Variants in CREB5 observed in about 807,000 individuals in gnomAD.
CREB5 encodes cAMP responsive element binding protein 5.
A neutral mutation model predicts 57.1 loss-of-function variants in CREB5; 19 were observed. That is an observed-to-expected ratio of 0.33 (90% CI 0.23 to 0.49). The LOEUF (loss-of-function observed/expected upper bound fraction) is 0.49, where lower values mean the gene tolerates loss of function less well. Among genes scored for constraint, CREB5 ranks in the 20% least tolerant of loss-of-function variants. The pLI is 0.99. For synonymous variants in CREB5, 238 were observed against 238.3 expected (o/e 1.00, Z 0.01); for missense variants, 579 against 671.6 (o/e 0.86, Z 1.52).
intron 1 of CREB5, among the ~76,000 whole-genome samples, chr7:28,322,787 G>A (rs1465790497): frequency 2.0e-5 from 3 of 152,110 alleles, no homozygotes; most frequent in Non-Finnish European, 2.9e-5. Flanking sequence ...GAACTCATCC[G>A]TTTTTATGGC....
chr7:28,583,815 T>G (rs216751), intron 5 of CREB5, among the ~76,000 whole-genome samples: 109,442 of 151,874 alleles, frequency 0.72, 40,229 homozygotes, highest in East Asian at 0.92. Context: ...AGTAGCCGGG[T>G]TTACAGGCAT....
intron 1 of CREB5, among the ~76,000 whole-genome samples, chr7:28,405,970 A>T (rs1210525252): frequency 6.6e-6 from 1 of 152,194 alleles, no homozygotes; most frequent in Non-Finnish European, 1.5e-5. Flanking sequence ...CTGACTCAAG[A>T]AACTGACTTT....
intron 5 of CREB5, among the ~76,000 whole-genome samples, chr7:28,696,149 G>A (rs928755192): frequency 7.9e-5 from 12 of 152,296 alleles, no homozygotes; most frequent in African/African-American, 2.4e-4. Context: ...CGTACCATTC[G>A]GCTGCCTGGG....
At chr7:28,330,580 A>T (rs945936470) in intron 1 of CREB5, among the ~76,000 whole-genome samples, 2 of 151,592 alleles carry the variant, frequency 1.3e-5, no homozygotes, top group African/African-American at 4.8e-5. Flanking sequence ...TTTAGTTTGT[A>T]ATACGCTTAG....
At chr7:28,597,558 T>C (rs1341120436) in intron 5 of CREB5, among the ~76,000 whole-genome samples, 1 of 152,224 alleles carries the variant, frequency 6.6e-6, no homozygotes, top group Non-Finnish European at 1.5e-5. Context: ...TCATATTTCA[T>C]GCAAATAATC....
intron 4 of CREB5, among the ~76,000 whole-genome samples, chr7:28,528,551 A>G (rs1793552558): frequency 6.6e-6 from 1 of 152,046 alleles, no homozygotes; most frequent in African/African-American, 2.4e-5. Context: ...CTAAAAACAC[A>G]AAATTAGCCA....
chr7:28,335,477 T>C (rs2127987688), intron 1 of CREB5, among the ~76,000 whole-genome samples: 1 of 152,220 alleles, frequency 6.6e-6, no homozygotes, highest in Non-Finnish European at 1.5e-5. Context: ...GGATTACTTT[T>C]TAAATTTCTT....
intron 1 of CREB5, among the ~76,000 whole-genome samples, chr7:28,351,296 A>C (rs1354996487): frequency 6.6e-6 from 1 of 152,140 alleles, no homozygotes; most frequent in African/African-American, 2.4e-5. Context: ...GGTTATTAAT[A>C]ATAGATTTTT....
intron 4 of CREB5, among the ~76,000 whole-genome samples, chr7:28,527,131 C>T (rs1329276546): frequency 6.6e-6 from 1 of 152,202 alleles, no homozygotes; most frequent in African/African-American, 2.4e-5. Context: ...TGCAGTGAGC[C>T]ATGCCTTAGC....
At position 28,804,369 on chromosome 7, in the gene CREB5, ACACCAG is replaced by A. The variant is rs751815933; in HGVS notation, c.884_889del (p.Gln295_His296del). 1.5e-5 allele frequency: 24 copies of A among 1,613,220 alleles called. No individual in the cohort carries two copies. The highest frequency in any genetic ancestry group is 6.6e-5 in the South Asian group (6 of 91,018). ...CACTGCCACCCCATCACCCTTACCC[ACACCAG>A]CACCAGCACCCAGCACACCATCCTC... is the stretch of plus-strand genomic sequence containing the variant. On this transcript the variant is annotated inframe_deletion, in exon 8 of 11. Transcript: ENST00000357727.
chr7:28,660,943 G>T (rs779232876), intron 5 of CREB5, among the ~76,000 whole-genome samples: 3 of 152,108 alleles, frequency 2.0e-5, no homozygotes, highest in Non-Finnish European at 2.9e-5. Flanking sequence ...GGCCTTGAAG[G>T]TTCCAACCAC....
At chr7:28,389,198 C>T (rs984820701) in intron 1 of CREB5, among the ~76,000 whole-genome samples, 1 of 152,136 alleles carries the variant, frequency 6.6e-6, no homozygotes, top group African/African-American at 2.4e-5. Flanking sequence ...TGTATGCATT[C>T]TGAAAACAGT....
intron 4 of CREB5, among the ~76,000 whole-genome samples, chr7:28,566,513 G>GA (rs796915823): frequency 1.4e-4 from 21 of 152,286 alleles, no homozygotes; most frequent in African/African-American, 5.1e-4. Context: ...CAGCAAGATA[G>GA]AGTCACTCTT....
chr7:28,523,351 C>G (rs1277237353), intron 4 of CREB5, among the ~76,000 whole-genome samples: 1 of 152,246 alleles, frequency 6.6e-6, no homozygotes, highest in Non-Finnish European at 1.5e-5. Flanking sequence ...GGAATACTCC[C>G]ATTATGTTCT....
In CREB5 at chr7:28,529,850, G is replaced by A. The variant is rs994674387; in HGVS notation, c.291+22113G>A. ...CACACTTTGCTTTACCTTTCTATAC[G>A]TTAATCTGCCAGGAAAGTTTCTTCT... is the stretch of plus-strand genomic sequence containing the variant. On this transcript the variant is annotated intron_variant, in intron 4 of 10. Transcript: ENST00000357727. Among the ~76,000 whole-genome samples the A allele has an allele frequency of 1.2e-4, 18 of 152,252 alleles. No homozygotes were observed. In the East Asian group the frequency reaches 3.3e-3, roughly 28 times the overall value.
At chr7:28,465,583 C>A (rs1200851179) in intron 1 of CREB5, among the ~76,000 whole-genome samples, 1 of 152,172 alleles carries the variant, frequency 6.6e-6, no homozygotes, top group Non-Finnish European at 1.5e-5. Flanking sequence ...GAATTCAAGT[C>A]CTAGCTCTGC....
intron 5 of CREB5, among the ~76,000 whole-genome samples, chr7:28,591,330 A>C (rs371704168): frequency 2.0e-5 from 3 of 152,122 alleles, no homozygotes; most frequent in African/African-American, 7.2e-5. Context: ...CTAGCTTCTC[A>C]TGTCCATTGC....
chr7:28,449,864 T>C (rs549328193), intron 1 of CREB5, among the ~76,000 whole-genome samples: 1 of 152,350 alleles, frequency 6.6e-6, no homozygotes, highest in Admixed American at 6.5e-5. Flanking sequence ...AAAAGGTTTC[T>C]GTCAACCTTT....
At chr7:28,654,248 G>A (rs60488114) in intron 5 of CREB5, among the ~76,000 whole-genome samples, 4,490 of 152,200 alleles carry the variant, frequency 0.03, 229 homozygotes, top group African/African-American at 0.1. Context: ...GATACAGCTC[G>A]CTCCCCCTCT....
Sources: allele counts gnomAD v4.1 joint callset (sites outside exome capture counted in the v4.1 genomes callset), GRCh38; gene constraint gnomAD v4.1.1; transcripts MANE v1.5; gene names NCBI Gene and HGNC (gene_info 2026-07-23, HGNC 2026-07-21).